The following HERC2 variants were observed in gnomAD, a reference collection of about 807,000 sequenced individuals.
The protein encoded by HERC2 is HECT and RLD domain containing E3 ubiquitin protein ligase 2.
HERC2 carries 102 observed loss-of-function variants against 537.7 expected under a neutral mutation model. The observed-to-expected ratio is 0.19, with a 90% CI of 0.16 to 0.22. The LOEUF (loss-of-function observed/expected upper bound fraction) is 0.22, where lower values mean the gene tolerates loss of function less well. Among genes scored for constraint, HERC2 ranks in the 10% least tolerant of loss-of-function variants. The pLI, the probability that HERC2 is intolerant of heterozygous loss-of-function variation, is 1.00. For missense variants in HERC2, 4,236 were observed against 6,198.2 expected (o/e 0.68, Z 10.63); for synonymous variants, 2,224 against 2,466.2 (o/e 0.90, Z 2.91).
intron 20 of HERC2, among the ~76,000 whole-genome samples, 160 bp downstream of exon 20, chr15:28,254,180 G>T (rs1323123327): frequency 6.6e-6 from 1 of 152,156 alleles, no homozygotes; most frequent in Non-Finnish European, 1.5e-5. Context: ...CTGTGTGAGA[G>T]GCTGAGGCAA....
intron 23 of HERC2, among the ~76,000 whole-genome samples, chr15:28,244,600 A>AATTT (rs1903475389): frequency 6.6e-6 from 1 of 152,206 alleles, no homozygotes; most frequent in African/African-American, 2.4e-5. Context: ...TACTTATCAC[A>AATTT]ATTTCAAGAG....
At chr15:28,274,173 T>C in intron 7 of HERC2, 118 bp downstream of exon 7, 3 of 939,678 alleles carry the variant, frequency 3.2e-6, no homozygotes, top group South Asian at 1.7e-5. Flanking sequence ...GACAGCCCGC[T>C]GAAAACAGGT....
chr15:28,130,366 C>A lies in HERC2; in HGVS notation c.12663-64G>T. The A allele has an allele frequency of 1.9e-6, 3 of 1,609,358 alleles. No individual in the cohort carries two copies. In the South Asian group the frequency reaches 3.3e-5, roughly 18 times the overall value. On this transcript the variant is annotated intron_variant, in intron 82 of 92. Coordinates refer to ENST00000261609, the MANE Select transcript of HERC2 (RefSeq NM_004667.6). Reference sequence around the variant, plus strand: ...GATCTCACTGACCACCCTGACCAGCCTCCTGGGCAGCCTCTGCTGTTCAGG... The same window carrying A: ...GATCTCACTGACCACCCTGACCAGCATCCTGGGCAGCCTCTGCTGTTCAGG...
chr15:28,165,581 C>T (rs1894046218), intron 68 of HERC2, among the ~76,000 whole-genome samples: 1 of 151,102 alleles, frequency 6.6e-6, no homozygotes, highest in African/African-American at 2.4e-5. Context: ...CACTTGAGCC[C>T]AGGAGTTCAA....
chr15:28,180,675 T>G (rs1006853829), intron 57 of HERC2, among the ~76,000 whole-genome samples: 1 of 152,194 alleles, frequency 6.6e-6, no homozygotes, highest in South Asian at 2.1e-4. Flanking sequence ...TAAAATACAG[T>G]TGGTCCTCTG....
intron 4 of HERC2, among the ~76,000 whole-genome samples, chr15:28,281,126 A>G (rs1386143111): frequency 1.3e-5 from 2 of 152,230 alleles, no homozygotes; most frequent in African/African-American, 2.4e-5. Flanking sequence ...GTAACAAGTT[A>G]GAATACACAT....
intron 55 of HERC2, among the ~76,000 whole-genome samples, chr15:28,187,336 T>G: frequency 6.6e-6 from 1 of 152,004 alleles, no homozygotes; most frequent in East Asian, 1.9e-4. Flanking sequence ...TTTTTTTTGT[T>G]TTTTTGTTTT....
intron 2 of HERC2, among the ~76,000 whole-genome samples, chr15:28,315,381 G>C: frequency 6.6e-6 from 1 of 152,264 alleles, no homozygotes; most frequent in South Asian, 2.1e-4. Flanking sequence ...GCCGAAGGGC[G>C]GCTCACAGGC....
At chr15:28,227,591 T>TAA (rs1043423179) in intron 35 of HERC2, among the ~76,000 whole-genome samples, 4 of 152,136 alleles carry the variant, frequency 2.6e-5, no homozygotes, top group African/African-American at 9.7e-5. Flanking sequence ...CTTTGGTAGT[T>TAA]TCTCAGTAAG....
At chr15:28,196,664 G>C (rs749734682) in intron 50 of HERC2, 95 bp from the exon 51 acceptor site, 54 of 673,334 alleles carry the variant, frequency 8.0e-5, no homozygotes, top group Middle Eastern at 2.6e-4. Context: ...CTACATTGTA[G>C]TTATTTGTTT....
At chr15:28,315,697 G>A in intron 2 of HERC2, 1 of 807,336 alleles carries the variant, frequency 1.2e-6, no homozygotes, top group South Asian at 1.4e-5. Flanking sequence ...TGCGCCATGA[G>A]AGCCAAGTGG....
chr15:28,319,753 C>G (rs1361539472), intron 2 of HERC2, among the ~76,000 whole-genome samples: 1 of 151,996 alleles, frequency 6.6e-6, no homozygotes, highest in Non-Finnish European at 1.5e-5. Flanking sequence ...CTCAATTCAG[C>G]ATTAAACTGG....
chr15:28,314,316 C>A (rs546344828), intron 2 of HERC2, among the ~76,000 whole-genome samples: 1 of 152,184 alleles, frequency 6.6e-6, no homozygotes, highest in South Asian at 2.1e-4. Context: ...GAGGAATGAA[C>A]TAAAGTGTTA....
At chr15:28,155,818 G>T (rs972536187) in intron 69 of HERC2, among the ~76,000 whole-genome samples, 4 of 152,058 alleles carry the variant, frequency 2.6e-5, no homozygotes, top group Non-Finnish European at 4.4e-5. Flanking sequence ...TTTGGTGTTT[G>T]AGACATGAAG....
intron 30 of HERC2, among the ~76,000 whole-genome samples, chr15:28,230,781 A>G (rs1387009444): frequency 2.0e-5 from 3 of 151,744 alleles, no homozygotes; most frequent in Non-Finnish European, 2.9e-5. Flanking sequence ...TGAGTCTTTC[A>G]GGCCATGCAG....
In HERC2 at chr15:28,148,725, G is replaced by A. The variant is rs191620196; in HGVS notation, c.10901-2381C>T. On this transcript the variant is annotated intron_variant, in intron 70 of 92. Transcript: ENST00000261609. ...ACCGAGAACATCACCGAGAACGGCT[G>A]CATGAACGCGCATTCTAGTAAAACT... 2.0e-3 allele frequency among the ~76,000 whole-genome samples: 269 copies of A among 137,484 alleles called. 3 individuals carry two copies. Among genetic ancestry groups the A allele is most frequent in the Non-Finnish European group, 1.4e-3 (90 of 63,106 alleles). 90.2% of individuals were successfully genotyped at this position (137,484 alleles called of 152,430 possible).
intron 79 of HERC2, among the ~76,000 whole-genome samples, chr15:28,133,618 T>A (rs1010969141): frequency 1.3e-5 from 2 of 152,268 alleles, no homozygotes; most frequent in African/African-American, 4.8e-5. Context: ...GAATTAATGT[T>A]TGGATATGGT....
chr15:28,293,356 G>T (rs1368414933), intron 3 of HERC2, among the ~76,000 whole-genome samples: 1 of 151,918 alleles, frequency 6.6e-6, no homozygotes, highest in African/African-American at 2.4e-5. Context: ...AGCCAGCCGT[G>T]GTGGCGGGCG....
rs772540113 is a variant in HERC2, at chr15:28,167,704, T to C, written c.10537A>G (p.Met3513Val). Residue 3513 changes from methionine (M) to valine (V), a missense_variant, in exon 68 of 93, where the codon ATG becomes GTG. Coordinates refer to ENST00000261609, the MANE Select transcript of HERC2 (RefSeq NM_004667.6). ...CTCTTCACCTCTTTGGTTTTGGTCATGGTTTCTGCAATGATGCTTGCGGCT... is the reference window on the plus strand; with the variant it reads ...CTCTTCACCTCTTTGGTTTTGGTCACGGTTTCTGCAATGATGCTTGCGGCT... ...LGAASIIAET[M>V]TKTKEDVESQ... 2 of 1,614,038 alleles carry C rather than the reference T, an allele frequency of 1.2e-6. No homozygotes were observed. The highest frequency in any genetic ancestry group is 1.3e-5 in the African/African-American group (1 of 74,908).
Sources: gnomAD v4.1 joint callset for allele counts (sites outside exome capture counted in the v4.1 genomes callset) on GRCh38, gnomAD v4.1.1 for gene constraint, MANE v1.5 for transcripts, NCBI Gene and HGNC (gene_info 2026-07-23, HGNC 2026-07-21) for gene names.